The following PTPN5 variants were observed in gnomAD, a reference collection of about 807,000 sequenced individuals.
The protein encoded by PTPN5 is protein tyrosine phosphatase non-receptor type 5.
A neutral mutation model predicts 73.9 loss-of-function variants in PTPN5; 29 were observed. That is an observed-to-expected ratio of 0.39 (90% CI 0.29 to 0.54). The LOEUF (loss-of-function observed/expected upper bound fraction) is 0.54, where lower values mean the gene tolerates loss of function less well. Ranked by LOEUF, PTPN5 falls within the 20% of genes least tolerant of loss-of-function variation. The pLI is 0.65. For missense variants in PTPN5, 652 were observed against 751.4 expected, an observed-to-expected ratio of 0.87 and a Z score of 1.55; for synonymous variants, 267 against 304.7, an observed-to-expected ratio of 0.88 and a Z score of 1.29.
At chr11:18,751,585 T>G (rs1849890003) in intron 3 of PTPN5, among the ~76,000 whole-genome samples, 1 of 152,100 alleles carries the variant, frequency 6.6e-6, no homozygotes, top group Non-Finnish European at 1.5e-5. Flanking sequence ...GATAAGGGTT[T>G]GGGCCAGCAG....
intron 3 of PTPN5, among the ~76,000 whole-genome samples, chr11:18,747,937 G>A (rs1173816616): frequency 6.6e-6 from 1 of 152,184 alleles, no homozygotes; most frequent in Non-Finnish European, 1.5e-5. Flanking sequence ...GAAGACTAAA[G>A]CCAGGTAGTA....
At chr11:18,743,746 G>T in intron 4 of PTPN5, 1 of 568,016 alleles carries the variant, frequency 1.8e-6, no homozygotes, top group Non-Finnish European at 3.1e-6. Flanking sequence ...CTGTACGGCT[G>T]GGAGCTCAGG....
chr11:18,731,834 C>T (rs1364915943), intron 12 of PTPN5, among the ~76,000 whole-genome samples: 1 of 152,220 alleles, frequency 6.6e-6, no homozygotes. Context: ...ACTTCCTTGG[C>T]TGCTCCTGGA....
At chr11:18,786,191 G>A (rs1733057357) in intron 1 of PTPN5, among the ~76,000 whole-genome samples, 2 of 124,792 alleles carry the variant, frequency 1.6e-5, no homozygotes, top group African/African-American at 6.1e-5. Context: ...TTAAAGAATG[G>A]GGGGAATCTA....
chr11:18,746,184 T>TATAC (rs1849621505), intron 3 of PTPN5, among the ~76,000 whole-genome samples: 1 of 115,698 alleles, frequency 8.6e-6, no homozygotes. Flanking sequence ...TATATATATA[T>TATAC]ATATATATAC....
chr11:18,789,020 A>G (rs1367122890), intron 1 of PTPN5, among the ~76,000 whole-genome samples: 1 of 152,162 alleles, frequency 6.6e-6, no homozygotes, highest in Admixed American at 6.5e-5. Flanking sequence ...GTTTTCACAG[A>G]TGTTTTATGC....
At chr11:18,744,988 T>G (rs1290937618) in intron 3 of PTPN5, among the ~76,000 whole-genome samples, 1 of 152,256 alleles carries the variant, frequency 6.6e-6, no homozygotes, top group Non-Finnish European at 1.5e-5. Flanking sequence ...AAGCTCTGCC[T>G]GTCCCTGTAC....
Position 18,785,863 on chromosome 11 carries a change from T to C in PTPN5, c.-114+5662A>G, listed in dbSNP as rs543667718. Among the ~76,000 whole-genome samples, 6 of 152,388 alleles carry C rather than the reference T, an allele frequency of 3.9e-5. No homozygotes were observed. In the South Asian group the frequency reaches 6.2e-4, roughly 16 times the overall value. The stretch of plus-strand genomic sequence containing the variant: ...CCAGGAAATTTGGCTGTGAACAGTT[T>C]ATCCCTTACATTAGCCCAAAGTTAG... On this transcript the variant is annotated intron_variant, in intron 1 of 14. Coordinates refer to ENST00000358540, the MANE Select transcript of PTPN5 (RefSeq NM_006906.2).
chr11:18,785,208 C>T (rs1376482267), intron 1 of PTPN5, among the ~76,000 whole-genome samples: 1 of 152,124 alleles, frequency 6.6e-6, no homozygotes, highest in Non-Finnish European at 1.5e-5. Flanking sequence ...TTTCCTTGCA[C>T]CCCTCTTTAA....
chr11:18,742,542 C>G lies in PTPN5; in HGVS notation c.484-39G>C, dbSNP rs1264305917. ...ACAGCATCACAGATTTCGGACCACGCTGGCTGCCCCCCGTGTTCCTGGAGT... is the reference window on the plus strand; with the variant it reads ...ACAGCATCACAGATTTCGGACCACGGTGGCTGCCCCCCGTGTTCCTGGAGT... On this transcript the variant is annotated intron_variant, in intron 6 of 14. Coordinates refer to ENST00000358540, the MANE Select transcript of PTPN5 (RefSeq NM_006906.2). This position sits in a 1 kb window ranked among gnomAD's most constrained non-coding sequence, Gnocchi z 4.1. The G allele has an allele frequency of 5.0e-6, 8 of 1,603,350 alleles. No individual in the cohort carries two copies. Among genetic ancestry groups the G allele is most frequent in the Non-Finnish European group, 6.8e-6 (8 of 1,176,710 alleles).
At chr11:18,744,233 C>G in intron 3 of PTPN5, 34 bp from the exon 4 acceptor site, 1 of 1,456,898 alleles carries the variant, frequency 6.9e-7, no homozygotes, top group South Asian at 1.6e-5. Context: ...CCGATGACTC[C>G]GGCCCTGTCC....
In PTPN5 at chr11:18,733,324, C is replaced by A; in HGVS notation, c.1129G>T (p.Val377Phe). The part of the protein sequence containing the change: ...KVYIATQGPI[V>F]STVADFWRMV... ...CGCCAGAAGTCGGCGACCGTGCTGA[C>A]GATGGGTCCCTGAGTGGCGATGTAC... Residue 377 changes from valine to phenylalanine, a missense_variant, in exon 11 of 15, where the codon GTC (valine) becomes TTC (phenylalanine). Coordinates refer to ENST00000358540, the MANE Select transcript of PTPN5 (RefSeq NM_006906.2). The surrounding 1 kb of genome is among the most constrained non-coding windows in gnomAD (Gnocchi z 4.3). 6.2e-7 allele frequency: 1 copy of A among 1,614,136 alleles called. No individual in the cohort carries two copies. The highest frequency in any genetic ancestry group is 8.5e-7 in the Non-Finnish European group (1 of 1,180,016).
At chr11:18,765,337 C>T (rs1003654681) in intron 3 of PTPN5, among the ~76,000 whole-genome samples, 1 of 152,094 alleles carries the variant, frequency 6.6e-6, no homozygotes, top group Non-Finnish European at 1.5e-5. Context: ...CTCCCTGCAA[C>T]TGTGGTCAAC....
chr11:18,751,538 C>T (rs888547773), intron 3 of PTPN5, among the ~76,000 whole-genome samples: 7 of 152,028 alleles, frequency 4.6e-5, no homozygotes, highest in African/African-American at 9.7e-5. Context: ...GTGAGCAACA[C>T]GACCAAGAGA....
intron 3 of PTPN5, among the ~76,000 whole-genome samples, chr11:18,747,824 G>A (rs1414819272): frequency 2.0e-5 from 3 of 152,192 alleles, no homozygotes; most frequent in African/African-American, 7.2e-5. Flanking sequence ...GCAAATACCT[G>A]ATGTGAGATT....
intron 8 of PTPN5, among the ~76,000 whole-genome samples, chr11:18,738,840 C>T (rs574246435): frequency 2.0e-5 from 3 of 152,050 alleles, no homozygotes; most frequent in South Asian, 2.1e-4. Flanking sequence ...GACCTGGTGG[C>T]GGGCCCCTGT....
chr11:18,780,477 G>A (rs559388764), intron 1 of PTPN5, among the ~76,000 whole-genome samples: 34 of 152,132 alleles, frequency 2.2e-4, no homozygotes, highest in African/African-American at 5.8e-4. Context: ...CCTGCCCCCC[G>A]CCTAATTTAA....
At chr11:18,736,145 T>C (rs959096427) in intron 9 of PTPN5, among the ~76,000 whole-genome samples, 2 of 152,010 alleles carry the variant, frequency 1.3e-5, no homozygotes, top group African/African-American at 4.8e-5. Flanking sequence ...TTCATTCAAA[T>C]AGGTGCAGAC....
chr11:18,757,241 T>C (rs555837626), intron 3 of PTPN5, among the ~76,000 whole-genome samples: 1 of 152,346 alleles, frequency 6.6e-6, no homozygotes, highest in African/African-American at 2.4e-5. Flanking sequence ...AAAATTGCTT[T>C]TCTCATTTCA....
Sources: gnomAD v4.1 joint callset for allele counts (sites outside exome capture counted in the v4.1 genomes callset) on GRCh38, gnomAD v4.1.1 for gene constraint, Gnocchi (gnomAD v3.1) non-coding constraint, MANE v1.5 for transcripts, NCBI Gene and HGNC (gene_info 2026-07-23, HGNC 2026-07-21) for gene names.